The following ATP5F1A variants were observed in gnomAD, a reference collection of about 807,000 sequenced individuals.
ATP5F1A encodes the protein ATP synthase F(1) complex subunit alpha, mitochondrial.
A neutral mutation model predicts 57.4 loss-of-function variants in ATP5F1A; 24 were observed. The ratio of observed to expected loss-of-function variants is 0.42; its 90% CI spans 0.30 to 0.59. ATP5F1A has a LOEUF of 0.59. Ranked by LOEUF, ATP5F1A falls within the 20% of genes least tolerant of loss-of-function variation. ATP5F1A has a pLI of 0.19. For synonymous variants in ATP5F1A, 251 were observed against 255.5 expected (o/e 0.98, Z 0.17); for missense variants, 494 against 707.9 (o/e 0.70, Z 3.43).
At chr18:46,103,387 A>T (rs889742437) in intron 1 of ATP5F1A, among the ~76,000 whole-genome samples, 1 of 150,080 alleles carries the variant, frequency 6.7e-6, no homozygotes, top group African/African-American at 2.5e-5. Flanking sequence ...GATCACCTGA[A>T]GTCAGGAGTT....
Position 46,089,722 on chromosome 18 carries a change from C to T in ATP5F1A, c.494G>A (p.Gly165Asp), listed in dbSNP as rs1910411093. The T allele has an allele frequency of 6.2e-7, 1 of 1,613,420 alleles. No homozygotes were observed. The highest frequency in any genetic ancestry group is 2.2e-5 in the East Asian group (1 of 44,880). ...ACCAACTCGCCTACGCGTCTTGGAA[C>T]CAATTGGACCCTGTTAAAAAATAAA... The part of the protein sequence containing the change: ...GNAIDGKGPI[G>D]SKTRRRVGLK... Residue 165 changes from glycine to aspartate, a missense_variant, in exon 5 of 12, where the codon GGT becomes GAT. Around this residue, in one of 6 missense-constraint regions of ATP5F1A, gnomAD observed 191 missense variants for 267.7 expected, o/e 0.71. Transcript: ENST00000398752.
intron 1 of ATP5F1A, among the ~76,000 whole-genome samples, chr18:46,097,201 C>G (rs1911029948): frequency 1.3e-5 from 2 of 151,848 alleles, no homozygotes; most frequent in Admixed American, 6.6e-5. Flanking sequence ...AGATGAAAAC[C>G]GTTAAAAATG....
chr18:46,082,690 T>C lies in ATP5F1A; in HGVS notation c.*1592A>G, dbSNP rs1401778008. ...GGAGACTCCATCTCAAATAAATAAATAACTAAGTAAAAAAAAAGGTAACAC... is the reference window on the plus strand; with the variant it reads ...GGAGACTCCATCTCAAATAAATAAACAACTAAGTAAAAAAAAAGGTAACAC... On this transcript the variant is annotated 3_prime_UTR_variant, in exon 12 of 12. Transcript: ENST00000398752. The C allele has an allele frequency of 6.7e-6, 1 of 150,006 alleles. No homozygotes were observed. The highest frequency in any genetic ancestry group is 1.5e-5 in the Non-Finnish European group (1 of 67,846). The allele number at this position is 150,006 out of a possible 1,614,324, so 9.3% of individuals were successfully genotyped here. A position where few individuals can be genotyped will look rare whatever the true frequency, so the allele number is the denominator to read the frequency against.
At chr18:46,089,479 T>C in intron 5 of ATP5F1A, 87 bp downstream of exon 5, 2 of 1,470,966 alleles carry the variant, frequency 1.4e-6, no homozygotes, top group East Asian at 2.3e-5. Context: ...AATGTCCCCA[T>C]TACCATTTAC....
chr18:46,098,355 C>G (rs1374367033), upstream of ATP5F1A: 56 of 1,335,924 alleles, frequency 4.2e-5, no homozygotes, highest in Non-Finnish European at 5.1e-5. Flanking sequence ...TACTGCCCCT[C>G]GCGTTCACCA....
chr18:46,081,684 A>AAAAAAAAAAAAAAAAAC lies in ATP5F1A; in HGVS notation c.*2597_*2598insGTTTTTTTTTTTTTTTT, dbSNP rs1909756699. 5 of 99,124 alleles carry AAAAAAAAAAAAAAAAAC rather than the reference A, an allele frequency of 5.0e-5. No individual in the cohort carries two copies. Among genetic ancestry groups the AAAAAAAAAAAAAAAAAC allele is most frequent in the African/African-American group, 1.7e-4 (4 of 23,110 alleles). The allele number at this position is 99,124 out of a possible 1,614,324, so 6.1% of individuals were successfully genotyped here. A position where few individuals can be genotyped will look rare whatever the true frequency, so the allele number is the denominator to read the frequency against. ...TCAAAAAAAAAAAACAAAAAAAAAA[A>AAAAAAAAAAAAAAAAAC]AAAAAAAAAAAAACGAAATGTGCAG... is the stretch of plus-strand genomic sequence containing the variant. On this transcript the variant is annotated 3_prime_UTR_variant, in exon 12 of 12. Transcript: ENST00000398752.
At chr18:46,094,452 A>C (rs1910797713) in intron 2 of ATP5F1A, among the ~76,000 whole-genome samples, 1 of 152,132 alleles carries the variant, frequency 6.6e-6, no homozygotes, top group South Asian at 2.1e-4. Flanking sequence ...GCATATCACA[A>C]GGTCAGGAGA....
intron 2 of ATP5F1A, among the ~76,000 whole-genome samples, chr18:46,094,153 G>A (rs1386286404): frequency 7.9e-6 from 1 of 126,608 alleles, no homozygotes; most frequent in Non-Finnish European, 1.7e-5. Flanking sequence ...ACGTGGGGGT[G>A]TGTGTACACA....
intron 1 of ATP5F1A, among the ~76,000 whole-genome samples, chr18:46,103,925 AT>A (rs1420725990): frequency 6.6e-6 from 1 of 152,182 alleles, no homozygotes; most frequent in Non-Finnish European, 1.5e-5. Flanking sequence ...AAAAAAAAAA[AT>A]GTCCCTAGTT....
chr18:46,091,580 A>T, intron 3 of ATP5F1A, 102 bp downstream of exon 3: 1 of 1,272,358 alleles, frequency 7.9e-7, no homozygotes. Context: ...GAGGCAAATT[A>T]AGACAAAGTT....
chr18:46,093,008 G>A (rs1910676817), intron 2 of ATP5F1A, among the ~76,000 whole-genome samples: 1 of 151,874 alleles, frequency 6.6e-6, no homozygotes, highest in South Asian at 2.1e-4. Context: ...AGTTTGCCGG[G>A]CATGGTGGTG....
In ATP5F1A at chr18:46,087,371, A is replaced by C; in HGVS notation, c.921T>G (p.Ala307=). 6.2e-7 allele frequency: 1 copy of C among 1,614,230 alleles called. No individual in the cohort carries two copies. Among genetic ancestry groups the C allele is most frequent in the Non-Finnish European group, 8.5e-7 (1 of 1,180,050 alleles). Residue 307 remains alanine, a synonymous_variant, in exon 7 of 12, where the codon GCT becomes GCG. Transcript: ENST00000398752. ...TGGATAAGTCGTCATAGATGATCAA[A>C]GCATGTTTGCCATTGTCTCTAAAAT... ...GEYFRDNGKH[A]LIIYDDLSKQ...
chr18:46,084,832 G>T (rs1219624466), intron 10 of ATP5F1A, 178 bp from the exon 11 acceptor site: 2 of 581,152 alleles, frequency 3.4e-6, no homozygotes, highest in Non-Finnish European at 5.5e-6. Flanking sequence ...ACCCCTGACA[G>T]AAAACAGTTA....
Position 46,088,373 on chromosome 18 carries a change from A to G in ATP5F1A, c.651-116T>C, listed in dbSNP as rs895532098. 9 of 1,008,398 alleles carry G rather than the reference A, an allele frequency of 8.9e-6. No homozygotes were observed. In the African/African-American group the frequency reaches 1.2e-4, roughly 13 times the overall value. 62.5% of individuals were successfully genotyped at this position (1,008,398 alleles called of 1,614,324 possible). Reference sequence around the variant, plus strand: ...CTATGCAGAAAGAAGAAGACATAAGAAACTCCATTTTGTTCTGTACTAAGA... The same window carrying G: ...CTATGCAGAAAGAAGAAGACATAAGGAACTCCATTTTGTTCTGTACTAAGA... On this transcript the variant is annotated intron_variant, in intron 5 of 11. Coordinates refer to ENST00000398752, the MANE Select transcript of ATP5F1A (RefSeq NM_004046.6).
chr18:46,094,176 C>G (rs1465216765), intron 2 of ATP5F1A, among the ~76,000 whole-genome samples: 1 of 145,568 alleles, frequency 6.9e-6, no homozygotes, highest in Non-Finnish European at 1.5e-5. Flanking sequence ...CACACACACA[C>G]ACACACACAC....
intron 2 of ATP5F1A, among the ~76,000 whole-genome samples, chr18:46,092,406 C>T (rs1327106708): frequency 6.7e-6 from 1 of 149,898 alleles, no homozygotes; most frequent in Non-Finnish European, 1.5e-5. Context: ...GTAAGGAGTT[C>T]GAGACCAGCC....
At chr18:46,101,876 T>C (rs1157536621), upstream of ATP5F1A, among the ~76,000 whole-genome samples, 1 of 122,960 alleles carries the variant, frequency 8.1e-6, no homozygotes. Context: ...TGAGATTCTG[T>C]CTGAAAAAAA....
chr18:46,100,308 C>T (rs1911239768), upstream of ATP5F1A, among the ~76,000 whole-genome samples: 1 of 149,904 alleles, frequency 6.7e-6, no homozygotes, highest in South Asian at 2.1e-4. Context: ...AAAAGGCTGT[C>T]CAAGTAAAAT....
intron 2 of ATP5F1A, among the ~76,000 whole-genome samples, chr18:46,092,632 TATA>T (rs1568251316): frequency 1.4e-5 from 2 of 146,570 alleles, no homozygotes; most frequent in Non-Finnish European, 3.0e-5. Context: ...TATATATATA[TATA>T]TTCTACACTG....
Sources: allele counts gnomAD v4.1 joint callset (sites outside exome capture counted in the v4.1 genomes callset), GRCh38; gene constraint gnomAD v4.1.1; regional missense constraint gnomAD v4.1.1; transcripts MANE v1.5; gene names NCBI Gene and HGNC (gene_info 2026-07-23, HGNC 2026-07-21).